SGCZ: variants seen among roughly 807,000 people sequenced by gnomAD.
SGCZ encodes sarcoglycan zeta.
Under a neutral mutation model 41.3 loss-of-function variants are expected in SGCZ, and 40 were observed. The observed-to-expected ratio is 0.97, with a 90% confidence interval of 0.75 to 1.26. SGCZ has a LOEUF of 1.26. Among genes scored for constraint, SGCZ ranks in the 50% most tolerant of loss-of-function variants. The pLI, the probability that SGCZ is intolerant of heterozygous loss-of-function variation, is 0.00. For missense variants in SGCZ, 552 were observed against 369.8 expected (o/e 1.49, Z -4.04); for synonymous variants, 206 against 137.5 (o/e 1.50, Z -3.49).
intron 2 of SGCZ, among the ~76,000 whole-genome samples, chr8:14,529,996 T>G (rs17119675): frequency 1.4e-4 from 21 of 152,244 alleles, no homozygotes; most frequent in Non-Finnish European, 2.6e-4. Flanking sequence ...TAATACACAA[T>G]GACTGACTTT....
intron 3 of SGCZ, among the ~76,000 whole-genome samples, chr8:14,299,108 C>T (rs1037694438): frequency 6.6e-6 from 1 of 151,926 alleles, no homozygotes; most frequent in East Asian, 1.9e-4. Context: ...GTCTTTTAAA[C>T]AAATGGAGTT....
chr8:14,358,640 C>T (rs1000572329), intron 2 of SGCZ, among the ~76,000 whole-genome samples: 5 of 152,026 alleles, frequency 3.3e-5, no homozygotes, highest in African/African-American at 1.2e-4. Flanking sequence ...GAGATGGAGT[C>T]TTGCTCTGCT....
At chr8:15,197,498 G>A (rs1029057684) in intron 1 of SGCZ, among the ~76,000 whole-genome samples, 1 of 152,108 alleles carries the variant, frequency 6.6e-6, no homozygotes, top group Non-Finnish European at 1.5e-5. Flanking sequence ...TGGTATCTTC[G>A]CAGATAGAAT....
chr8:14,756,339 C>T (rs1193984735), intron 1 of SGCZ, among the ~76,000 whole-genome samples: 1 of 152,098 alleles, frequency 6.6e-6, no homozygotes, highest in Non-Finnish European at 1.5e-5. Context: ...GCATGCACCA[C>T]CATGCACGGC....
Position 14,771,259 on chromosome 8 carries a change from G to A in SGCZ, c.40-216333C>T, listed in dbSNP as rs182382348. Among the ~76,000 whole-genome samples the A allele has an allele frequency of 1.7e-3, 260 of 152,178 alleles. 2 individuals are homozygous for A. The highest frequency in any genetic ancestry group is 6.2e-3 in the African/African-American group (256 of 41,538). ...GTGTGTGTTTATATACCTCTGTGTG[G>A]GGTCAGAGGAGAGAGGGAAAGAAAT... On this transcript the variant is annotated intron_variant, in intron 1 of 7. Coordinates refer to ENST00000382080, the MANE Select transcript of SGCZ (RefSeq NM_139167.4).
At chr8:14,699,505 A>G (rs1809068468) in intron 1 of SGCZ, among the ~76,000 whole-genome samples, 1 of 151,922 alleles carries the variant, frequency 6.6e-6, no homozygotes, top group African/African-American at 2.4e-5. Flanking sequence ...ACCTAAAACT[A>G]TAAAAACTAT....
intron 4 of SGCZ, chr8:14,165,169 T>C (rs1428670363): frequency 6.5e-6 from 1 of 153,436 alleles, no homozygotes; most frequent in Non-Finnish European, 1.5e-5. Context: ...TATGAATCTT[T>C]AGCTAGTCTA....
intron 1 of SGCZ, among the ~76,000 whole-genome samples, chr8:14,841,821 G>T (rs1038573600): frequency 3.3e-5 from 5 of 152,146 alleles, no homozygotes; most frequent in Non-Finnish European, 7.4e-5. Context: ...AGGAAATTGA[G>T]ACCTGGAAAA....
intron 1 of SGCZ, among the ~76,000 whole-genome samples, chr8:14,643,504 C>T (rs749500700): frequency 1.3e-4 from 19 of 147,836 alleles, no homozygotes; most frequent in South Asian, 1.1e-3. Flanking sequence ...TGAGCAGATG[C>T]GAAGAAAGAA....
At chr8:14,265,504 T>C (rs1420650468) in intron 3 of SGCZ, among the ~76,000 whole-genome samples, 1 of 152,182 alleles carries the variant, frequency 6.6e-6, no homozygotes, top group Non-Finnish European at 1.5e-5. Flanking sequence ...TCTGCTTTTT[T>C]CAAAATAGAC....
chr8:15,041,233 TGAAAA>T lies in SGCZ; in HGVS notation c.39+196347_39+196351del, dbSNP rs536987453. ...GCGCCATAAGAAAATATTTCTTAAATGAAAAGAAATGTTTTAAACTTTTTAGATAA... is the reference window on the plus strand; with the variant it reads ...GCGCCATAAGAAAATATTTCTTAAATGAAATGTTTTAAACTTTTTAGATAA... On this transcript the variant is annotated intron_variant, in intron 1 of 7. Coordinates refer to ENST00000382080, the MANE Select transcript of SGCZ (RefSeq NM_139167.4). 4.6e-3 allele frequency among the ~76,000 whole-genome samples: 694 copies of T among 152,030 alleles called. 4 individuals are homozygous for T. Among genetic ancestry groups the T allele is most frequent in the African/African-American group, 0.016 (646 of 41,560 alleles).
chr8:14,988,235 T>C (rs10108343), intron 1 of SGCZ, among the ~76,000 whole-genome samples: 60,584 of 151,632 alleles, frequency 0.4, 12,490 homozygotes, highest in South Asian at 0.5. Context: ...TCATATCCAA[T>C]ATAAAGGTAT....
At chr8:14,777,446 T>C (rs1328393364) in intron 1 of SGCZ, among the ~76,000 whole-genome samples, 3 of 152,202 alleles carry the variant, frequency 2.0e-5, no homozygotes, top group Non-Finnish European at 2.9e-5. Context: ...ATTACCACAG[T>C]TTAAGAATAT....
intron 5 of SGCZ, among the ~76,000 whole-genome samples, chr8:14,113,993 C>A (rs1192550957): frequency 1.3e-5 from 2 of 151,938 alleles, no homozygotes; most frequent in African/African-American, 4.8e-5. Context: ...TTGGTTCTTG[C>A]CGCTTGCTTC....
intron 2 of SGCZ, among the ~76,000 whole-genome samples, chr8:14,508,937 A>G (rs1563375352): frequency 6.6e-6 from 1 of 152,158 alleles, no homozygotes; most frequent in Non-Finnish European, 1.5e-5. Flanking sequence ...CTATTTTACA[A>G]ACATCAAAAT....
At chr8:14,399,989 T>C (rs75659679) in intron 2 of SGCZ, among the ~76,000 whole-genome samples, 3,558 of 152,118 alleles carry the variant, frequency 0.023, 124 homozygotes, top group African/African-American at 0.078. Context: ...TAGCTATCAG[T>C]TCCCATTTTC....
At chr8:14,493,042 T>C (rs1029684295) in intron 2 of SGCZ, among the ~76,000 whole-genome samples, 1 of 152,144 alleles carries the variant, frequency 6.6e-6, no homozygotes, top group East Asian at 1.9e-4. Context: ...CTCTCCCTGA[T>C]TGTCTCTCCA....
At chr8:15,007,881 G>A (rs1211552379) in intron 1 of SGCZ, among the ~76,000 whole-genome samples, 1 of 152,066 alleles carries the variant, frequency 6.6e-6, no homozygotes, top group Non-Finnish European at 1.5e-5. Context: ...TAATCATAAC[G>A]TGTTATAAAT....
intron 2 of SGCZ, among the ~76,000 whole-genome samples, chr8:14,496,474 AT>A (rs1163634227): frequency 6.6e-6 from 1 of 152,160 alleles, no homozygotes; most frequent in Non-Finnish European, 1.5e-5. Context: ...CCATGGGAGT[AT>A]TTGGTGCATC....
Sources: gnomAD v4.1 joint callset for allele counts (sites outside exome capture counted in the v4.1 genomes callset) on GRCh38, gnomAD v4.1.1 for gene constraint, MANE v1.5 for transcripts, NCBI Gene and HGNC (gene_info 2026-07-23, HGNC 2026-07-21) for gene names.